ZHX2: variants seen among roughly 807,000 people sequenced by gnomAD.
ZHX2 encodes zinc fingers and homeoboxes 2.
In ZHX2, 6 loss-of-function variants were observed where a neutral mutation model predicts 21.9. The ratio of observed to expected loss-of-function variants is 0.27; its 90% confidence interval spans 0.15 to 0.54. The LOEUF (loss-of-function observed/expected upper bound fraction) is 0.54, where lower values mean the gene tolerates loss of function less well. Ranked by LOEUF, ZHX2 falls within the 20% of genes least tolerant of loss-of-function variation. The pLI is 0.95. For missense variants in ZHX2, 908 were observed against 1,090.7 expected, an observed-to-expected ratio of 0.83 and a Z score of 2.36; for synonymous variants, 434 against 437.1, an observed-to-expected ratio of 0.99 and a Z score of 0.09.
chr8:122,934,654 A>C (rs7844888), intron 2 of ZHX2, among the ~76,000 whole-genome samples: 146,899 of 150,828 alleles, frequency 0.97, 71,486 homozygotes, highest in Non-Finnish European at 1. Flanking sequence ...TTCCTTCTTT[A>C]TTACCTTCCT....
Position 122,951,565 on chromosome 8 carries a change from G to C in ZHX2, c.55G>C (p.Val19Leu). 6.2e-7 allele frequency: 1 copy of C among 1,613,756 alleles called. No homozygotes were observed. Among genetic ancestry groups the C allele is most frequent in the Non-Finnish European group, 8.5e-7 (1 of 1,179,944 alleles). The stretch of plus-strand genomic sequence containing the variant: ...ATGCATGGTTCGGACATCACAAGTA[G>C]TAGAACAAGATGTGCCCGAGGAAGT... The part of the protein sequence containing the change: ...TPCMVRTSQV[V>L]EQDVPEEVDR... Residue 19 changes from valine (V) to leucine (L), a missense_variant, in exon 3 of 4, where the codon GTA becomes CTA. Val to Leu is a conservative substitution (Grantham distance 32). This residue lies in a region of ZHX2 where 25 missense variants were observed against 48.9 expected (regional missense o/e 0.51). Coordinates refer to ENST00000314393, the MANE Select transcript of ZHX2 (RefSeq NM_014943.5).
intron 1 of ZHX2, among the ~76,000 whole-genome samples, chr8:122,802,471 C>G (rs1240195582): frequency 6.6e-6 from 1 of 152,172 alleles, no homozygotes; most frequent in Admixed American, 6.5e-5. Flanking sequence ...CCGTGGCTGC[C>G]CTAGCTCCCT....
chr8:122,808,129 T>G (rs1216642227), intron 1 of ZHX2, among the ~76,000 whole-genome samples: 1 of 152,188 alleles, frequency 6.6e-6, no homozygotes, highest in Non-Finnish European at 1.5e-5. Flanking sequence ...AATTACGCCT[T>G]TAAATACTTT....
chr8:122,952,028 G>A lies in ZHX2; in HGVS notation c.518G>A (p.Gly173Asp). The change falls in exon 3 of 4, where the codon GGT (glycine) becomes GAT (aspartate). Residue 173 changes from glycine to aspartate, a missense_variant. Transcript: ENST00000314393. The surrounding 1 kb of genome is among the most constrained non-coding windows in gnomAD (Gnocchi z 6.9). ...VSITTSGPGT[G>D]DSDSGISVSK... ...ATCACCACCAGTGGCCCTGGAACTG[G>A]TGACAGTGATTCTGGGATCTCGGTG... 6.2e-7 allele frequency: 1 copy of A among 1,613,644 alleles called. No individual in the cohort carries two copies. Among genetic ancestry groups the A allele is most frequent in the Non-Finnish European group, 8.5e-7 (1 of 1,179,966 alleles).
chr8:122,794,084 AC>A (rs1215548070), intron 1 of ZHX2, among the ~76,000 whole-genome samples: 1 of 151,584 alleles, frequency 6.6e-6, no homozygotes, highest in Non-Finnish European at 1.5e-5. Flanking sequence ...CTCTACCCCA[AC>A]CCCCTGCCAC....
chr8:122,817,244 C>T (rs561019879), intron 1 of ZHX2, among the ~76,000 whole-genome samples: 3 of 152,206 alleles, frequency 2.0e-5, no homozygotes, highest in Admixed American at 1.3e-4. Context: ...ACACAATGCC[C>T]GCGTGCTTTC....
At chr8:122,808,817 T>C (rs1817871559) in intron 1 of ZHX2, 1 of 152,234 alleles carries the variant, frequency 6.6e-6, no homozygotes, top group Admixed American at 6.5e-5. Context: ...TGAATGCCCT[T>C]ACCAAGATTT....
intron 1 of ZHX2, among the ~76,000 whole-genome samples, chr8:122,795,603 AG>A (rs147737920): frequency 0.014 from 2,198 of 152,258 alleles, 50 homozygotes; most frequent in African/African-American, 0.049. Context: ...TAATGGTGGT[AG>A]GAAGGCAGGA....
At chr8:122,938,511 C>T (rs773777892) in intron 2 of ZHX2, among the ~76,000 whole-genome samples, 7 of 151,976 alleles carry the variant, frequency 4.6e-5, no homozygotes, top group East Asian at 1.9e-4. Context: ...AAGGGCATGG[C>T]GAGGCACCTA....
intron 1 of ZHX2, among the ~76,000 whole-genome samples, chr8:122,825,358 G>A (rs1360392477): frequency 6.6e-6 from 1 of 152,110 alleles, no homozygotes; most frequent in Admixed American, 6.5e-5. Flanking sequence ...CCTTATGGCC[G>A]GGGCATGGTC....
intron 1 of ZHX2, among the ~76,000 whole-genome samples, chr8:122,805,527 C>T (rs1353103398): frequency 2.0e-5 from 3 of 152,236 alleles, no homozygotes; most frequent in East Asian, 3.8e-4. Flanking sequence ...GCATCTACTA[C>T]GGACTCAAAG....
intron 1 of ZHX2, among the ~76,000 whole-genome samples, chr8:122,812,918 A>G (rs1586583581): frequency 6.6e-6 from 1 of 152,190 alleles, no homozygotes; most frequent in Non-Finnish European, 1.5e-5. Context: ...GTACTGGGCC[A>G]GGCGCAGTGG....
At chr8:122,937,251 G>A (rs769249280) in intron 2 of ZHX2, among the ~76,000 whole-genome samples, 3 of 152,246 alleles carry the variant, frequency 2.0e-5, no homozygotes, top group Non-Finnish European at 2.9e-5. Context: ...AAGGCCTGGG[G>A]CATAGCAGAC....
rs1398939108 is a variant in ZHX2 at position 122,841,395 on chromosome 8, A to G, written c.-282-22082A>G. Among the ~76,000 whole-genome samples the G allele has an allele frequency of 2.0e-5, 3 of 152,082 alleles. No homozygotes were observed. The East Asian group carries it at 5.8e-4, about 29-fold the overall frequency. On this transcript the variant is annotated intron_variant, in intron 1 of 3. Coordinates refer to ENST00000314393, the MANE Select transcript of ZHX2 (RefSeq NM_014943.5). ...GAAAGGCCTTCTCTAAGGCCTAGAG[A>G]TCTCCCTATCCACCACTTCCTGAGC...
chr8:122,932,535 C>T (rs968616022), intron 2 of ZHX2, among the ~76,000 whole-genome samples: 3 of 152,198 alleles, frequency 2.0e-5, no homozygotes, highest in Non-Finnish European at 4.4e-5. Context: ...AAACTCCTGC[C>T]TCCAGAATCG....
At chr8:122,919,023 T>C (rs189602629) in intron 2 of ZHX2, among the ~76,000 whole-genome samples, 42 of 152,032 alleles carry the variant, frequency 2.8e-4, no homozygotes, top group African/African-American at 9.6e-4. Context: ...CAAACTGTTC[T>C]CCCACCTGGA....
intron 2 of ZHX2, among the ~76,000 whole-genome samples, chr8:122,895,686 T>G (rs1054429704): frequency 1.3e-5 from 2 of 151,734 alleles, no homozygotes; most frequent in Non-Finnish European, 1.5e-5. Flanking sequence ...GTAGATGTCA[T>G]CCTTGCTCTT....
At chr8:122,967,494 T>C (rs1035176517) in intron 3 of ZHX2, among the ~76,000 whole-genome samples, 3 of 152,230 alleles carry the variant, frequency 2.0e-5, no homozygotes, top group Non-Finnish European at 4.4e-5. Context: ...AGTCCTGTGA[T>C]ATGATCCATC....
At chr8:122,843,598 A>C (rs1818685194) in intron 1 of ZHX2, among the ~76,000 whole-genome samples, 1 of 152,140 alleles carries the variant, frequency 6.6e-6, no homozygotes, top group Non-Finnish European at 1.5e-5. Flanking sequence ...ATTCTGAGCC[A>C]TTTGGGTGGA....
Sources: gnomAD v4.1 joint callset for allele counts (sites outside exome capture counted in the v4.1 genomes callset) on GRCh38, gnomAD v4.1.1 for gene constraint, gnomAD v4.1.1 regional missense constraint, Gnocchi (gnomAD v3.1) non-coding constraint, MANE v1.5 for transcripts, NCBI Gene and HGNC (gene_info 2026-07-23, HGNC 2026-07-21) for gene names.